The following PDPR variants were observed in gnomAD, a reference collection of about 807,000 sequenced individuals.
PDPR encodes the protein pyruvate dehydrogenase phosphatase regulatory subunit, also known as pyruvate dehydrogenase phosphatase regulatory subunit, mitochondrial.
Under a neutral mutation model 102.2 loss-of-function variants are expected in PDPR, and 50 were observed. The ratio of observed to expected loss-of-function variants is 0.49; its 90% CI spans 0.39 to 0.62. The LOEUF (loss-of-function observed/expected upper bound fraction) is 0.62, where lower values mean the gene tolerates loss of function less well. Among genes scored for constraint, PDPR ranks in the 20% least tolerant of loss-of-function variants. The pLI, the probability that PDPR is intolerant of heterozygous loss-of-function variation, is 0.00. For missense variants in PDPR, 625 were observed against 1,098.2 expected, an observed-to-expected ratio of 0.57 and a Z score of 6.09; for synonymous variants, 259 against 406.0, an observed-to-expected ratio of 0.64 and a Z score of 4.35.
intron 3 of PDPR, among the ~76,000 whole-genome samples, chr16:70,125,699 G>A (rs1245683260): frequency 6.6e-6 from 1 of 151,900 alleles, no homozygotes; most frequent in Non-Finnish European, 1.5e-5. Context: ...CAGTGGTGCA[G>A]CCTCAGCTCC....
rs1243798706 is a variant in PDPR at position 70,157,252 on chromosome 16, A to C, written c.*373A>C. 11 of 511,250 alleles carry C rather than the reference A, an allele frequency of 2.2e-5. No homozygotes were observed. Among genetic ancestry groups the C allele is most frequent in the South Asian group, 1.7e-4 (11 of 64,580 alleles). 31.7% of individuals were successfully genotyped at this position (511,250 alleles called of 1,614,324 possible). A position where few individuals can be genotyped will look rare whatever the true frequency, so the allele number is the denominator to read the frequency against. On this transcript the variant is annotated 3_prime_UTR_variant, in exon 19 of 19. Transcript: ENST00000288050. ...GGCAAGCCGGGGTGGTGCAGGTCTC[A>C]GGGCACGAGTCCCTCTCCCTTGGGT...
downstream of PDPR, among the ~76,000 whole-genome samples, chr16:70,163,098 G>A (rs1391525100): frequency 3.3e-5 from 5 of 152,216 alleles, no homozygotes; most frequent in African/African-American, 2.4e-5. Flanking sequence ...ACAGGCACGC[G>A]CCACCATGCC....
In PDPR at chr16:70,134,119, T is replaced by C. The variant is rs187762422; in HGVS notation, c.997+1819T>C. ...CTTTCAGTAGGACTTCATATAAAAT[T>C]GAAGAGTTCTTTAGAAAACAGAATT... On this transcript the variant is annotated intron_variant, in intron 9 of 18. Coordinates refer to ENST00000288050, the MANE Select transcript of PDPR (RefSeq NM_017990.5). Among the ~76,000 whole-genome samples, 546 of 152,278 alleles carry C rather than the reference T, an allele frequency of 3.6e-3. 2 individuals carry two copies. The highest frequency in any genetic ancestry group is 0.012 in the African/African-American group (505 of 41,488).
intron 17 of PDPR, among the ~76,000 whole-genome samples, 175 bp from the exon 18 acceptor site, chr16:70,153,198 GTCCAGGCTGGGGTGACCC>G (rs1966842586): frequency 6.6e-6 from 1 of 152,290 alleles, no homozygotes; most frequent in South Asian, 2.1e-4. Flanking sequence ...TGGAGCTTAA[GTCCAGGCTGGGGTGACCC>G]CAGCTCATCA....
intron 11 of PDPR, among the ~76,000 whole-genome samples, chr16:70,141,176 C>T (rs1360876327): frequency 2.0e-5 from 3 of 152,234 alleles, no homozygotes; most frequent in Admixed American, 6.5e-5. Flanking sequence ...GCCTCAGCCT[C>T]CCGAGTAGCT....
At chr16:70,132,661 T>C (rs1242463330) in intron 9 of PDPR, among the ~76,000 whole-genome samples, 1 of 151,964 alleles carries the variant, frequency 6.6e-6, no homozygotes, top group African/African-American at 2.4e-5. Context: ...TTTTTTTTCT[T>C]CTTTTTGGTA....
intron 3 of PDPR, among the ~76,000 whole-genome samples, chr16:70,126,655 A>G (rs1253453131): frequency 6.6e-6 from 1 of 152,166 alleles, no homozygotes; most frequent in Non-Finnish European, 1.5e-5. Flanking sequence ...GAGCCACCGC[A>G]CTCAGCCTTT....
chr16:70,135,429 G>T lies in PDPR; in HGVS notation c.998-765G>T, dbSNP rs575419501. 1.8e-4 allele frequency among the ~76,000 whole-genome samples: 28 copies of T among 152,362 alleles called. No homozygotes were observed. The South Asian group carries it at 5.6e-3, about 30-fold the overall frequency. The stretch of plus-strand genomic sequence containing the variant: ...TTTTTGTATTTTTAGTAGAGACGAG[G>T]CTTCGCCATTTTGGCCATAATGCTC... On this transcript the variant is annotated intron_variant, in intron 9 of 18. Transcript: ENST00000288050.
rs1962487220 is a variant in PDPR at position 70,114,917 on chromosome 16, T to C, written c.-46T>C. 1 of 152,198 alleles carries C rather than the reference T, an allele frequency of 6.6e-6. No homozygotes were observed. Among genetic ancestry groups the C allele is most frequent in the Non-Finnish European group, 1.5e-5 (1 of 68,090 alleles). 9.4% of individuals were successfully genotyped at this position (152,198 alleles called of 1,614,324 possible). ...CGGAGGAAGAAGTCACCTAGAAAAA[T>C]CTGGGACAGGGCAGTAAGCTTCCTT... On this transcript the variant is annotated 5_prime_UTR_variant, in exon 2 of 19. Coordinates refer to ENST00000288050, the MANE Select transcript of PDPR (RefSeq NM_017990.5).
chr16:70,122,217 C>T (rs1461853516), intron 3 of PDPR, among the ~76,000 whole-genome samples: 17 of 152,366 alleles, frequency 1.1e-4, no homozygotes, highest in African/African-American at 3.1e-4. Context: ...GGACTCCTGA[C>T]CTCCAGTGAT....
At chr16:70,115,412 G>A (rs191589098) in intron 2 of PDPR, among the ~76,000 whole-genome samples, 29 of 152,330 alleles carry the variant, frequency 1.9e-4, no homozygotes, top group African/African-American at 6.3e-4. Flanking sequence ...GTGAGCCACT[G>A]CGCTCGGCCA....
rs1222025941 is a variant in PDPR, at chr16:70,130,604, G to A, written c.729+60G>A. On this transcript the variant is annotated intron_variant, in intron 7 of 18. Transcript: ENST00000288050. Reference sequence around the variant, plus strand: ...CGTTTGTCTCCAAGATTTTTTTGGTGTAGAGAAGTAAGATTAGTATTGTGA... The same window carrying A: ...CGTTTGTCTCCAAGATTTTTTTGGTATAGAGAAGTAAGATTAGTATTGTGA... 3.0e-4 allele frequency: 474 copies of A among 1,602,696 alleles called. No individual in the cohort carries two copies. The South Asian group carries it at 3.3e-3, about 11-fold the overall frequency.
chr16:70,133,690 G>A (rs1444645481), intron 9 of PDPR, among the ~76,000 whole-genome samples: 1 of 151,690 alleles, frequency 6.6e-6, no homozygotes, highest in Non-Finnish European at 1.5e-5. Flanking sequence ...AGTGCTGGGA[G>A]TAAAGGTGTG....
At chr16:70,154,727 C>T (rs1319414023) in intron 18 of PDPR, among the ~76,000 whole-genome samples, 1 of 152,224 alleles carries the variant, frequency 6.6e-6, no homozygotes, top group Admixed American at 6.5e-5. Flanking sequence ...ACTGCAATGC[C>T]CTCTCATGCT....
At position 70,152,932 on chromosome 16, in the gene PDPR, G is replaced by A. The variant is rs531567109; in HGVS notation, c.2053-459G>A. Among the ~76,000 whole-genome samples the A allele has an allele frequency of 3.9e-5, 6 of 152,404 alleles. No individual in the cohort carries two copies. The South Asian group carries it at 8.3e-4, about 21-fold the overall frequency. ...GATGTGTGCACACGTCTCGAGTAAC[G>A]TGTGAGAGCTGGGCCTCACAGCTTG... On this transcript the variant is annotated intron_variant, in intron 17 of 18. Transcript: ENST00000288050.
chr16:70,156,829 C>G lies in PDPR; in HGVS notation c.2590C>G (p.Gln864Glu), dbSNP rs1176557620. 1.2e-6 allele frequency: 2 copies of G among 1,614,046 alleles called. No individual in the cohort carries two copies. Among genetic ancestry groups the G allele is most frequent in the Non-Finnish European group, 1.7e-6 (2 of 1,179,904 alleles). The change falls in exon 19 of 19, where the codon CAG (glutamine) becomes GAG (glutamate). Residue 864 changes from glutamine to glutamate, a missense_variant. This residue lies in a region of PDPR where 303 missense variants were observed against 258.9 expected (regional missense o/e 1.17). Transcript: ENST00000288050. ...KLYPVASLFT[Q>E]KRRKDDMELS... ...CTACCCTGTCGCCTCCCTCTTCACC[C>G]AGAAGCGCCGAAAGGATGACATGGA...
At chr16:70,140,714 C>A (rs1293656213) in intron 11 of PDPR, among the ~76,000 whole-genome samples, 1 of 152,184 alleles carries the variant, frequency 6.6e-6, no homozygotes, top group Non-Finnish European at 1.5e-5. Flanking sequence ...ACTTGGCAGG[C>A]TGAGGCAGGA....
intron 2 of PDPR, among the ~76,000 whole-genome samples, chr16:70,116,541 CAA>C (rs937202031): frequency 8.2e-5 from 8 of 97,318 alleles, no homozygotes; most frequent in South Asian, 3.4e-4. Flanking sequence ...CCCCTCTCTA[CAA>C]AAAAAAAAAA....
chr16:70,129,433 C>T (rs1198358279), intron 6 of PDPR, among the ~76,000 whole-genome samples: 1 of 152,282 alleles, frequency 6.6e-6, no homozygotes, highest in South Asian at 2.1e-4. Flanking sequence ...CAACCTTCGC[C>T]TCCTGGGTTC....
Sources: allele counts gnomAD v4.1 joint callset (sites outside exome capture counted in the v4.1 genomes callset), GRCh38; gene constraint gnomAD v4.1.1; regional missense constraint gnomAD v4.1.1; transcripts MANE v1.5; gene names NCBI Gene and HGNC (gene_info 2026-07-23, HGNC 2026-07-21).